GRM6: variants seen among roughly 807,000 people sequenced by gnomAD.
The protein encoded by GRM6 is glutamate metabotropic receptor 6, also known as metabotropic glutamate receptor 6.
Under a neutral mutation model 78.4 loss-of-function variants are expected in GRM6, and 73 were observed. The ratio of observed to expected loss-of-function variants is 0.93; its 90% CI spans 0.77 to 1.13. The LOEUF (loss-of-function observed/expected upper bound fraction) is 1.13, where lower values mean the gene tolerates loss of function less well. GRM6 is among the 50% of genes most tolerant of loss of function. The pLI, the probability that GRM6 is intolerant of heterozygous loss-of-function variation, is 0.00. For missense variants in GRM6, 1,251 were observed against 1,256.4 expected (o/e 1.00, Z 0.07); for synonymous variants, 580 against 555.0 (o/e 1.05, Z -0.63).
At position 178,986,492 on chromosome 5, in the gene GRM6, G is replaced by A; in HGVS notation, c.1762C>T (p.Pro588Ser). The A allele has an allele frequency of 1.2e-6, 2 of 1,610,386 alleles. No homozygotes were observed. The highest frequency in any genetic ancestry group is 8.5e-7 in the Non-Finnish European group (1 of 1,178,988). ...RLSWSSPWAA[P>S]PLLLAVLGIV... The stretch of plus-strand genomic sequence containing the variant: ...CCCAGCACGGCCAGGAGGAGCGGCG[G>A]GGCTGCCCAGGGGGAGGACCAGCTC... The change falls in exon 9 of 11, where the codon CCG (proline) becomes TCG (serine). Residue 588 changes from proline (P) to serine (S), a missense_variant. Transcript: ENST00000517717.
intron 2 of GRM6, 98 bp downstream of exon 2, chr5:178,994,343 G>T: frequency 9.4e-7 from 1 of 1,059,334 alleles, no homozygotes; most frequent in Non-Finnish European, 1.3e-6. Context: ...TTAAAACGGA[G>T]ACTCTTTCAG....
In GRM6 at chr5:178,989,344, G is replaced by C. The variant is rs766159619; in HGVS notation, c.1074C>G (p.Ala358=). 1 of 1,613,822 alleles carries C rather than the reference G, an allele frequency of 6.2e-7. No homozygotes were observed. ...LENNRRNIWF[A]EFWEENFNCK... ...AGTTAAAATTCTCTTCCCAGAACTCGGCGAACCAGATGTTCCTGCGGTTGT... is the reference window on the plus strand; with the variant it reads ...AGTTAAAATTCTCTTCCCAGAACTCCGCGAACCAGATGTTCCTGCGGTTGT... Residue 358 remains alanine (A), a synonymous_variant, in exon 6 of 11, where the codon GCC becomes GCG. Transcript: ENST00000517717.
At chr5:178,987,704 G>C (rs956198931) in intron 7 of GRM6, among the ~76,000 whole-genome samples, 1 of 152,150 alleles carries the variant, frequency 6.6e-6, no homozygotes, top group South Asian at 2.1e-4. Context: ...TGGTTTCATA[G>C]ATGAAGAGTT....
chr5:178,986,967 A>C lies in GRM6; in HGVS notation c.1371T>G (p.Pro457=). 3.7e-6 allele frequency: 6 copies of C among 1,613,758 alleles called. No homozygotes were observed. Among genetic ancestry groups the C allele is most frequent in the Non-Finnish European group, 5.1e-6 (6 of 1,179,884 alleles). Residue 457 remains proline (P), a synonymous_variant, in exon 8 of 11, where the codon CCT becomes CCG. Transcript: ENST00000517717. ...AVRFNGSAGT[P]VMFNENGDAP... ...CATCTCCGTTCTCGTTGAACATCAC[A>C]GGGGTTCCTGCGCTGCCTGGAGAGA...
At chr5:178,989,216 C>G in intron 6 of GRM6, 49 bp downstream of exon 6, 5 of 1,183,478 alleles carry the variant, frequency 4.2e-6, no homozygotes, top group Non-Finnish European at 6.1e-6. Flanking sequence ...TCCCCACCCT[C>G]ACCACCCTCC....
In GRM6 at chr5:178,991,402, G is replaced by C; in HGVS notation, c.857+22C>G. 1.2e-6 allele frequency: 2 copies of C among 1,612,122 alleles called. No homozygotes were observed. Among genetic ancestry groups the C allele is most frequent in the Non-Finnish European group, 1.7e-6 (2 of 1,178,328 alleles). On this transcript the variant is annotated intron_variant, in intron 4 of 10. Transcript: ENST00000517717. This position sits in a 1 kb window ranked among gnomAD's most constrained non-coding sequence, Gnocchi z 5.0. ...CCCTCAGGGAGAGCCCCAGGGGCCC[G>C]GTGATTGTGCCACTGTCCCACCTGA...
Position 178,989,284 on chromosome 5 carries a change from A to T in GRM6, c.1134T>A (p.Asp378Glu), listed in dbSNP as rs780617219. Residue 378 changes from aspartate (D) to glutamate (E), a missense_variant, in exon 6 of 11, where the codon GAT (aspartate) becomes GAA (glutamate). Coordinates refer to ENST00000517717, the MANE Select transcript of GRM6 (RefSeq NM_000843.4). The part of the protein sequence containing the change: ...KLTSSGTQSD[D>E]STRKCTGEER... Reference sequence around the variant, plus strand: ...TCTCACCTGTGCATTTGCGGGTGGAATCGTCTGACTGGGTACCTGAGCTGG... The same window carrying T: ...TCTCACCTGTGCATTTGCGGGTGGATTCGTCTGACTGGGTACCTGAGCTGG... 3 of 1,600,186 alleles carry T rather than the reference A, an allele frequency of 1.9e-6. No homozygotes were observed. The Admixed American group carries it at 5.1e-5, about 27-fold the overall frequency.
rs1760366693 is a variant in GRM6 at position 178,980,399 on chromosome 5, A to G, written c.*1258T>C. On this transcript the variant is annotated 3_prime_UTR_variant, in exon 11 of 11. Coordinates refer to ENST00000517717, the MANE Select transcript of GRM6 (RefSeq NM_000843.4). This position sits in a 1 kb window ranked among gnomAD's most constrained non-coding sequence, Gnocchi z 4.3. ...CCCAGGCCTGGCGCTCAGCTTGCAA[A>G]TGGACTTCCCAGTACCTATGAGGAA... 6.5e-6 allele frequency: 1 copy of G among 154,320 alleles called. No homozygotes were observed. The highest frequency in any genetic ancestry group is 2.0e-4 in the South Asian group (1 of 4,916). The allele number at this position is 154,320 out of a possible 1,614,324, so 9.6% of individuals were successfully genotyped here. A position where few individuals can be genotyped will look rare whatever the true frequency, so the allele number is the denominator to read the frequency against.
chr5:178,990,071 G>A, intron 5 of GRM6: 1 of 200,470 alleles, frequency 5.0e-6, no homozygotes, highest in Non-Finnish European at 1.0e-5. Context: ...CCAGGGCTCA[G>A]CCTTTCCAGG....
intron 9 of GRM6, chr5:178,985,716 A>AG: frequency 2.4e-6 from 1 of 410,622 alleles, no homozygotes; most frequent in African/African-American, 2.3e-5. Flanking sequence ...AAAAAAAAAC[A>AG]AAACAACACA....
Position 178,992,345 on chromosome 5 carries a change from A to G in GRM6, c.505-262T>C. On this transcript the variant is annotated intron_variant, in intron 2 of 10. Coordinates refer to ENST00000517717, the MANE Select transcript of GRM6 (RefSeq NM_000843.4). The surrounding 1 kb of genome is among the most constrained non-coding windows in gnomAD (Gnocchi z 4.9). ...AGGTGGGAGGTATGCAGGGCTGGGGAGAGGGCAGGACCGCCACATATACTG... is the reference window on the plus strand; with the variant it reads ...AGGTGGGAGGTATGCAGGGCTGGGGGGAGGGCAGGACCGCCACATATACTG... 1 of 620,118 alleles carries G rather than the reference A, an allele frequency of 1.6e-6. No individual in the cohort carries two copies. The highest frequency in any genetic ancestry group is 3.0e-6 in the Non-Finnish European group (1 of 331,364). 38.4% of individuals were successfully genotyped at this position (620,118 alleles called of 1,614,324 possible). A position where few individuals can be genotyped will look rare whatever the true frequency, so the allele number is the denominator to read the frequency against.
chr5:178,990,280 C>A (rs1167008405), intron 5 of GRM6, among the ~76,000 whole-genome samples: 1 of 152,176 alleles, frequency 6.6e-6, no homozygotes, highest in African/African-American at 2.4e-5. Context: ...TGGTTTCTCT[C>A]CCTCCCACCC....
Position 178,981,418 on chromosome 5 carries a change from T to TCGTATAA in GRM6, c.*238_*239insTTATACG. The stretch of plus-strand genomic sequence containing the variant: ...AGAGCTAGAACCTTCTCGGTGGCTG[T>TCGTATAA]TTCCCACCATGGGAAGCGAGTCTGG... On this transcript the variant is annotated 3_prime_UTR_variant, in exon 11 of 11. Transcript: ENST00000517717. The surrounding 1 kb of genome is among the most constrained non-coding windows in gnomAD (Gnocchi z 5.1). The TCGTATAA allele has an allele frequency of 1.9e-6, 1 of 519,578 alleles. No individual in the cohort carries two copies. 32.2% of individuals were successfully genotyped at this position (519,578 alleles called of 1,614,324 possible).
At chr5:178,995,065 G>T (rs571074330) in intron 1 of GRM6, 105 bp from the exon 2 acceptor site, 2 of 565,916 alleles carry the variant, frequency 3.5e-6, no homozygotes, top group East Asian at 1.6e-4. Flanking sequence ...AAGGCGCTCG[G>T]GGCGCGCCTT....
chr5:178,992,055 G>A lies in GRM6; in HGVS notation c.533C>T (p.Ala178Val), dbSNP rs759897202. The change falls in exon 3 of 11, where the codon GCC (alanine) becomes GTC (valine). Residue 178 changes from alanine to valine, a missense_variant. Coordinates refer to ENST00000517717, the MANE Select transcript of GRM6 (RefSeq NM_000843.4). The surrounding 1 kb of genome is among the most constrained non-coding windows in gnomAD (Gnocchi z 4.9). ...AIPQISYASTAPELSDSTRYD... is the reference protein window; with the variant it reads ...AIPQISYASTVPELSDSTRYD... Reference sequence around the variant, plus strand: ...GCGTGTGGAGTCGCTGAGCTCCGGGGCTGTGGAGGCATAGCTGATCTGGGG... The same window carrying A: ...GCGTGTGGAGTCGCTGAGCTCCGGGACTGTGGAGGCATAGCTGATCTGGGG... 2.3e-5 allele frequency: 37 copies of A among 1,613,744 alleles called. 1 individual carries two copies. The South Asian group carries it at 4.1e-4, about 18-fold the overall frequency.
rs372835620 is a variant in GRM6 at position 178,986,729 on chromosome 5, C to A, written c.1525G>T (p.Asp509Tyr). 32 of 1,605,382 alleles carry A rather than the reference C, an allele frequency of 2.0e-5. No homozygotes were observed. Among genetic ancestry groups the A allele is most frequent in the Middle Eastern group, 1.6e-4 (1 of 6,084 alleles). ...LDVEALQWSG[D>Y]PHEVPSSLCS... ...AGAGACGAGGGCACCTCGTGGGGGTCGCCAGACCACTGCAGGGCCTCCACC... is the reference window on the plus strand; with the variant it reads ...AGAGACGAGGGCACCTCGTGGGGGTAGCCAGACCACTGCAGGGCCTCCACC... Residue 509 changes from aspartate (D) to tyrosine (Y), a missense_variant, in exon 9 of 11, where the codon GAC becomes TAC. By Grantham distance (160) the Asp-to-Tyr change is radical (BLOSUM62 -3). Transcript: ENST00000517717.
rs1760739257 is a variant in GRM6, at chr5:178,994,607, A to ACGAAGCTCAGCGCCTGCT, written c.320_337dup (p.Glu107_Phe112dup). The ACGAAGCTCAGCGCCTGCT allele has an allele frequency of 7.0e-7, 1 of 1,427,096 alleles. No individual in the cohort carries two copies. Among genetic ancestry groups the ACGAAGCTCAGCGCCTGCT allele is most frequent in the Admixed American group, 2.6e-5 (1 of 38,524 alleles). The allele number at this position is 1,427,096 out of a possible 1,614,324, so 88.4% of individuals were successfully genotyped here. On this transcript the variant is annotated inframe_insertion, in exon 2 of 11. Coordinates refer to ENST00000517717, the MANE Select transcript of GRM6 (RefSeq NM_000843.4). ...GCCGCGGCCGCGGATCAGCGCCTGCACGAAGCTCAGCGCCTGCTCCAGCGC... is the reference window on the plus strand; with the variant it reads ...GCCGCGGCCGCGGATCAGCGCCTGCACGAAGCTCAGCGCCTGCTCGAAGCTCAGCGCCTGCTCCAGCGC...
chr5:178,989,935 T>C (rs1396780109), intron 5 of GRM6: 1 of 215,094 alleles, frequency 4.6e-6, no homozygotes, highest in Non-Finnish European at 9.4e-6. Flanking sequence ...CCTCCTGTCT[T>C]GTGATGAGAT....
At chr5:178,984,782 G>A (rs965455770) in intron 9 of GRM6, among the ~76,000 whole-genome samples, 1 of 152,116 alleles carries the variant, frequency 6.6e-6, no homozygotes, top group Admixed American at 6.5e-5. Flanking sequence ...TGGCGTGTGT[G>A]GAACGAATAG....
Sources: gnomAD v4.1 joint callset for allele counts (sites outside exome capture counted in the v4.1 genomes callset) on GRCh38, gnomAD v4.1.1 for gene constraint, Gnocchi (gnomAD v3.1) non-coding constraint, MANE v1.5 for transcripts, NCBI Gene and HGNC (gene_info 2026-07-23, HGNC 2026-07-21) for gene names.